Variants in LAMA3 observed in about 807,000 individuals in gnomAD.
The protein encoded by LAMA3 is laminin subunit alpha 3.
LAMA3 carries 281 observed loss-of-function variants against 402.0 expected under a neutral mutation model. The ratio of observed to expected loss-of-function variants is 0.70; its 90% confidence interval spans 0.63 to 0.77. LAMA3 has a LOEUF of 0.77. Among genes scored for constraint, LAMA3 ranks in the 30% least tolerant of loss-of-function variants. LAMA3 has a pLI of 0.00. For synonymous variants in LAMA3, 1,431 were observed against 1,558.4 expected (o/e 0.92, Z 1.93); for missense variants, 3,840 against 4,215.5 (o/e 0.91, Z 2.47).
At chr18:23,928,339 A>T (rs1304427906) in intron 63 of LAMA3, 99 bp downstream of exon 63, 53 of 796,160 alleles carry the variant, frequency 6.7e-5, no homozygotes, top group Non-Finnish European at 2.0e-5. Context: ...CTGATAGCAC[A>T]CAGTGTTACA....
At chr18:23,789,861 G>A (rs571503047) in intron 12 of LAMA3, among the ~76,000 whole-genome samples, 43 of 152,238 alleles carry the variant, frequency 2.8e-4, no homozygotes, top group African/African-American at 9.9e-4. Flanking sequence ...AAAAAATAAG[G>A]CAGAGGTGGG....
intron 7 of LAMA3, among the ~76,000 whole-genome samples, chr18:23,762,230 A>G (rs954222952): frequency 6.6e-6 from 1 of 152,128 alleles, no homozygotes; most frequent in African/African-American, 2.4e-5. Context: ...AATAAATAAA[A>G]TAAATATATT....
At chr18:23,953,790 A>C (rs1184630728) in intron 74 of LAMA3, among the ~76,000 whole-genome samples, 1 of 152,170 alleles carries the variant, frequency 6.6e-6, no homozygotes, top group Non-Finnish European at 1.5e-5. Context: ...GCTTTTGGGG[A>C]CCGGACTGGG....
At chr18:23,708,986 C>A (rs1215476183) in intron 1 of LAMA3, among the ~76,000 whole-genome samples, 1 of 151,578 alleles carries the variant, frequency 6.6e-6, no homozygotes, top group Admixed American at 6.6e-5. Flanking sequence ...AACTCCTGGC[C>A]TCAAGTGATC....
At chr18:23,777,115 C>T (rs183530492) in intron 10 of LAMA3, among the ~76,000 whole-genome samples, 49 of 152,168 alleles carry the variant, frequency 3.2e-4, no homozygotes, top group Non-Finnish European at 5.3e-4. Context: ...GCTGGGATTA[C>T]AGGCATGAGC....
Position 23,864,781 on chromosome 18 carries a change from T to G in LAMA3, c.4585-4T>G. 6.3e-7 allele frequency: 1 copy of G among 1,585,688 alleles called. No individual in the cohort carries two copies. The highest frequency in any genetic ancestry group is 8.7e-7 in the Non-Finnish European group (1 of 1,154,330). ...TGCTATTGATGCTATTAATTCCATT[T>G]TAGGTTTCTTCATATGGTGGTTACC... On this transcript the variant is annotated splice_polypyrimidine_tract_variant and splice_region_variant and intron_variant, in intron 35 of 74. Coordinates refer to ENST00000313654, the MANE Select transcript of LAMA3 (RefSeq NM_198129.4).
intron 20 of LAMA3, among the ~76,000 whole-genome samples, chr18:23,823,370 C>T (rs747709603): frequency 2.0e-5 from 3 of 152,182 alleles, no homozygotes; most frequent in Non-Finnish European, 4.4e-5. Context: ...CTGCCTCCTG[C>T]GTGACAATAA....
intron 2 of LAMA3, among the ~76,000 whole-genome samples, chr18:23,741,332 T>C (rs2061560279): frequency 6.6e-6 from 1 of 152,140 alleles, no homozygotes; most frequent in African/African-American, 2.4e-5. Context: ...ATGGACTCTT[T>C]GGGCCAGGAT....
intron 2 of LAMA3, among the ~76,000 whole-genome samples, chr18:23,723,132 A>G (rs1463781027): frequency 6.6e-6 from 1 of 152,194 alleles, no homozygotes; most frequent in Non-Finnish European, 1.5e-5. Flanking sequence ...TGAAGTATCT[A>G]TAAACACATT....
chr18:23,871,580 C>T lies in LAMA3; in HGVS notation c.4917C>T (p.Ala1639=). The part of the protein sequence containing the change: ...LTLSEVGLEE[A]SDTGSGRIAL... ...TGAGCGAGGTGGGGCTAGAGGAAGC[C>T]TCTGACACAGGAAGTGGGCGCATAG... The change falls in exon 38 of 75, where the codon GCC becomes GCT. Residue 1639 remains alanine (A), a synonymous_variant. Coordinates refer to ENST00000313654, the MANE Select transcript of LAMA3 (RefSeq NM_198129.4). The T allele has an allele frequency of 3.1e-6, 5 of 1,614,152 alleles. No individual in the cohort carries two copies. Among genetic ancestry groups the T allele is most frequent in the Non-Finnish European group, 4.2e-6 (5 of 1,180,014 alleles).
chr18:23,922,182 T>C (rs886130233), intron 62 of LAMA3, among the ~76,000 whole-genome samples: 2 of 152,328 alleles, frequency 1.3e-5, no homozygotes, highest in African/African-American at 2.4e-5. Flanking sequence ...AAAATAACTT[T>C]TACATTTTGA....
At chr18:23,858,899 G>A (rs954538356) in intron 34 of LAMA3, 70 bp downstream of exon 34, 14 of 1,467,250 alleles carry the variant, frequency 9.5e-6, no homozygotes, top group South Asian at 2.3e-5. Context: ...CATATCCCTC[G>A]CTGCTCCTTG....
At chr18:23,936,792 C>T (rs2082325378) in intron 67 of LAMA3, among the ~76,000 whole-genome samples, 1 of 152,168 alleles carries the variant, frequency 6.6e-6, no homozygotes, top group African/African-American at 2.4e-5. Flanking sequence ...CATGTGGCCT[C>T]TACAGGCCCG....
At chr18:23,713,749 T>TTAC (rs1313936098) in intron 1 of LAMA3, among the ~76,000 whole-genome samples, 171 bp from the exon 2 acceptor site, 1 of 152,154 alleles carries the variant, frequency 6.6e-6, no homozygotes, top group Non-Finnish European at 1.5e-5. Flanking sequence ...AGAGAAAGCC[T>TTAC]TACTACTGTT....
chr18:23,890,487 T>C (rs144705821), intron 42 of LAMA3, among the ~76,000 whole-genome samples: 11 of 152,316 alleles, frequency 7.2e-5, no homozygotes, highest in African/African-American at 1.4e-4. Flanking sequence ...TTCCCGTGTG[T>C]GTCTGAAGAA....
intron 12 of LAMA3, among the ~76,000 whole-genome samples, chr18:23,798,097 T>C (rs1039416359): frequency 6.6e-6 from 1 of 152,180 alleles, no homozygotes; most frequent in East Asian, 1.9e-4. Flanking sequence ...CGTCTCCTCC[T>C]TTTTTCCGCT....
At chr18:23,934,936 T>A (rs145346385) in intron 67 of LAMA3, among the ~76,000 whole-genome samples, 1 of 152,342 alleles carries the variant, frequency 6.6e-6, no homozygotes, top group East Asian at 1.9e-4. Context: ...AAATACATGT[T>A]TTATGCTATT....
chr18:23,796,456 A>G (rs1159444189), intron 12 of LAMA3, among the ~76,000 whole-genome samples: 1 of 152,190 alleles, frequency 6.6e-6, no homozygotes, highest in African/African-American at 2.4e-5. Context: ...CAGGGTGGCA[A>G]AACTATGTGT....
At chr18:23,816,972 G>A (rs187814454) in intron 18 of LAMA3, among the ~76,000 whole-genome samples, 4 of 152,268 alleles carry the variant, frequency 2.6e-5, no homozygotes, top group Admixed American at 2.6e-4. Flanking sequence ...AAGAGGGAGT[G>A]CCACCACACA....
Sources: gnomAD v4.1 joint callset for allele counts (sites outside exome capture counted in the v4.1 genomes callset) on GRCh38, gnomAD v4.1.1 for gene constraint, MANE v1.5 for transcripts, NCBI Gene and HGNC (gene_info 2026-07-23, HGNC 2026-07-21) for gene names.